AGMO: variants seen among roughly 807,000 people sequenced by gnomAD.
The protein encoded by AGMO is glyceryl-ether monooxygenase.
Under a neutral mutation model 60.2 loss-of-function variants are expected in AGMO, and 75 were observed. The observed-to-expected ratio is 1.25, with a 90% CI of 1.03 to 1.51. The LOEUF is 1.51. Among genes scored for constraint, AGMO ranks in the 40% most tolerant of loss-of-function variants. The pLI is 0.00. For synonymous variants in AGMO, 261 were observed against 177.1 expected, an observed-to-expected ratio of 1.47 and a Z score of -3.76; for missense variants, 763 against 525.5, an observed-to-expected ratio of 1.45 and a Z score of -4.42.
chr7:15,556,639 GA>G (rs1340530839), intron 2 of AGMO, among the ~76,000 whole-genome samples: 2 of 151,818 alleles, frequency 1.3e-5, no homozygotes, highest in African/African-American at 4.8e-5. Flanking sequence ...AAACAAGCAG[GA>G]AAAAAATGTG....
chr7:15,227,352 C>A (rs1179493074), intron 12 of AGMO, among the ~76,000 whole-genome samples: 1 of 151,944 alleles, frequency 6.6e-6, no homozygotes, highest in Admixed American at 6.6e-5. Context: ...ACCAATCAAG[C>A]TGTGTATATG....
At chr7:15,118,558 C>A in the AGMO span, among the ~76,000 whole-genome samples, 1 of 152,018 alleles carries the variant, frequency 6.6e-6, no homozygotes, top group Admixed American at 6.6e-5. Flanking sequence ...TCATTGACTT[C>A]CTTGTTGATT....
intron 12 of AGMO, among the ~76,000 whole-genome samples, chr7:15,343,188 G>A (rs987880308): frequency 6.6e-6 from 1 of 151,960 alleles, no homozygotes. Context: ...CTCCCCACTC[G>A]CCACTGTAAA....
At chr7:15,289,619 G>A (rs1179639667) in intron 12 of AGMO, among the ~76,000 whole-genome samples, 2 of 151,856 alleles carry the variant, frequency 1.3e-5, no homozygotes, top group African/African-American at 4.8e-5. Flanking sequence ...TTTAATAATA[G>A]ATATTATAAG....
At chr7:15,220,439 G>A (rs6946183) in intron 12 of AGMO, among the ~76,000 whole-genome samples, 3 of 150,896 alleles carry the variant, frequency 2.0e-5, no homozygotes, top group Non-Finnish European at 2.9e-5. Flanking sequence ...GGTTGATCTC[G>A]AACTCTGAGC....
intron 12 of AGMO, among the ~76,000 whole-genome samples, chr7:15,270,537 G>A (rs374402518): frequency 7.2e-6 from 1 of 139,752 alleles, no homozygotes; most frequent in Non-Finnish European, 1.5e-5. Context: ...TTTGTTGCAA[G>A]CATAATTTGC....
intron 12 of AGMO, among the ~76,000 whole-genome samples, chr7:15,354,489 CACACGTGTATATATATATATATATAT>C: frequency 6.9e-5 from 1 of 14,450 alleles, no homozygotes; most frequent in East Asian, 1.8e-3. Context: ...TGTGTATATA[CACACGTGTATATATATATATATATAT>C]ATATATATAT....
the AGMO span, among the ~76,000 whole-genome samples, chr7:15,160,149 T>C: frequency 1.3e-5 from 2 of 152,144 alleles, no homozygotes; most frequent in Non-Finnish European, 2.9e-5. Flanking sequence ...GATATTTTCA[T>C]AGCACCCTTA....
chr7:15,258,098 C>T (rs573198486), intron 12 of AGMO, among the ~76,000 whole-genome samples: 51 of 152,222 alleles, frequency 3.4e-4, no homozygotes, highest in African/African-American at 1.0e-3. Context: ...CAACACTATC[C>T]GTATAAATTC....
intron 8 of AGMO, among the ~76,000 whole-genome samples, 187 bp downstream of exon 8, chr7:15,390,484 G>A (rs918282441): frequency 2.0e-5 from 3 of 152,108 alleles, no homozygotes; most frequent in African/African-American, 7.2e-5. Context: ...GTTTTAAAAT[G>A]TATTTTGCCT....
chr7:15,233,561 TCCCCC>T (rs59598838), intron 12 of AGMO, among the ~76,000 whole-genome samples: 1 of 150,556 alleles, frequency 6.6e-6, no homozygotes. Flanking sequence ...TTTTTTTTTT[TCCCCC>T]CTTTGGATGA....
intron 3 of AGMO, among the ~76,000 whole-genome samples, chr7:15,518,502 G>T (rs910224011): frequency 1.8e-4 from 27 of 152,270 alleles, no homozygotes; most frequent in African/African-American, 6.5e-4. Flanking sequence ...CTGTTCTGCA[G>T]CCTCCACTTG....
chr7:15,248,179 CATATATATATATAT>C (rs71549925), intron 12 of AGMO, among the ~76,000 whole-genome samples: 527 of 32,650 alleles, frequency 0.016, 24 homozygotes, highest in Middle Eastern at 0.14. Flanking sequence ...GATCCAGCAC[CATATATATATATAT>C]ATATATATAT....
chr7:15,237,908 G>A (rs1782476151), intron 12 of AGMO, among the ~76,000 whole-genome samples: 1 of 151,918 alleles, frequency 6.6e-6, no homozygotes, highest in African/African-American at 2.4e-5. Flanking sequence ...ACTCCATATA[G>A]TCTTTCTCAG....
At chr7:15,267,649 A>T (rs1188341737) in intron 12 of AGMO, among the ~76,000 whole-genome samples, 1 of 151,966 alleles carries the variant, frequency 6.6e-6, no homozygotes. Flanking sequence ...TTAGTAGGGC[A>T]CACAGCTTCT....
At chr7:15,279,671 G>A (rs190245595) in intron 12 of AGMO, among the ~76,000 whole-genome samples, 1 of 152,028 alleles carries the variant, frequency 6.6e-6, no homozygotes, top group Non-Finnish European at 1.5e-5. Context: ...AGAAACCACA[G>A]ACCCTTTGAA....
In AGMO at chr7:15,490,543, G is replaced by A. The variant is rs965848785; in HGVS notation, c.409+54229C>T. ...AAGTGTGTTGGGATTATTAACATCC[G>A]CAACACAGACAGGAACTTGGTTTTA... On this transcript the variant is annotated intron_variant, in intron 3 of 12. Transcript: ENST00000342526. Among the ~76,000 whole-genome samples, 19 of 152,134 alleles carry A rather than the reference G, an allele frequency of 1.2e-4. 2 individuals are homozygous for A. Among genetic ancestry groups the A allele is most frequent in the Non-Finnish European group, 2.4e-4 (16 of 67,994 alleles).
intron 12 of AGMO, among the ~76,000 whole-genome samples, chr7:15,317,869 G>GTA (rs550714316): frequency 3.3e-4 from 41 of 124,870 alleles, no homozygotes; most frequent in African/African-American, 5.8e-4. Context: ...ACACACACAC[G>GTA]TATATATATA....
At chr7:15,365,769 G>C in intron 11 of AGMO, 150 bp from the exon 12 acceptor site, 1 of 614,994 alleles carries the variant, frequency 1.6e-6, no homozygotes, top group Non-Finnish European at 2.7e-6. Flanking sequence ...TTTGAAAACA[G>C]TGATTAAGAA....
Sources: allele counts gnomAD v4.1 joint callset (sites outside exome capture counted in the v4.1 genomes callset), GRCh38; gene constraint gnomAD v4.1.1; transcripts MANE v1.5; gene names NCBI Gene and HGNC (gene_info 2026-07-23, HGNC 2026-07-21).